The following TMEFF2 variants were observed in gnomAD, a reference collection of about 807,000 sequenced individuals.
TMEFF2 encodes transmembrane protein with EGF like and two follistatin like domains 2, also known as tomoregulin-2.
TMEFF2 carries 28 observed loss-of-function variants against 53.8 expected under a neutral mutation model. The ratio of observed to expected loss-of-function variants is 0.52; its 90% CI spans 0.39 to 0.71. The LOEUF is 0.71. TMEFF2 is among the 30% of genes least tolerant of loss of function. TMEFF2 has a pLI of 0.00. For synonymous variants in TMEFF2, 162 were observed against 166.3 expected, an observed-to-expected ratio of 0.97 and a Z score of 0.20; for missense variants, 353 against 455.2, an observed-to-expected ratio of 0.78 and a Z score of 2.04.
At chr2:192,002,530 G>T (rs1686391104) in intron 5 of TMEFF2, among the ~76,000 whole-genome samples, 2 of 151,678 alleles carry the variant, frequency 1.3e-5, no homozygotes, top group African/African-American at 4.8e-5. Flanking sequence ...TGCTAAAATG[G>T]CTTGAAAACA....
At chr2:192,009,884 T>C (rs937812713) in intron 5 of TMEFF2, among the ~76,000 whole-genome samples, 1 of 152,212 alleles carries the variant, frequency 6.6e-6, no homozygotes, top group African/African-American at 2.4e-5. Flanking sequence ...CAAAACACTG[T>C]ACTTTATCAT....
At chr2:192,065,056 G>A (rs1688135407) in intron 4 of TMEFF2, among the ~76,000 whole-genome samples, 1 of 151,730 alleles carries the variant, frequency 6.6e-6, no homozygotes, top group African/African-American at 2.4e-5. Flanking sequence ...TTCAGATTTT[G>A]GTTGCTTTAC....
chr2:192,005,263 A>C (rs564520122), intron 5 of TMEFF2, among the ~76,000 whole-genome samples: 4 of 152,178 alleles, frequency 2.6e-5, no homozygotes, highest in Admixed American at 1.3e-4. Flanking sequence ...ATTTGTAACT[A>C]TCTCATCAAT....
intron 4 of TMEFF2, among the ~76,000 whole-genome samples, chr2:192,075,834 T>C (rs1688419552): frequency 6.6e-6 from 1 of 152,020 alleles, no homozygotes; most frequent in Non-Finnish European, 1.5e-5. Flanking sequence ...AATTCAACTA[T>C]TGCGGGAGAT....
intron 5 of TMEFF2, among the ~76,000 whole-genome samples, chr2:191,999,996 A>C (rs1424795666): frequency 6.7e-6 from 1 of 150,198 alleles, no homozygotes; most frequent in Non-Finnish European, 1.5e-5. Context: ...TTTTTCTATA[A>C]TCTAAATAAA....
chr2:192,162,018 A>AGGTTT (rs1216326039), intron 4 of TMEFF2, among the ~76,000 whole-genome samples: 1 of 152,194 alleles, frequency 6.6e-6, no homozygotes, highest in Non-Finnish European at 1.5e-5. Context: ...AACAACCTTG[A>AGGTTT]AGAAGAAAAA....
chr2:191,958,433 TTCTG>T (rs1692170677), intron 7 of TMEFF2, among the ~76,000 whole-genome samples: 1 of 152,236 alleles, frequency 6.6e-6, no homozygotes, highest in Non-Finnish European at 1.5e-5. Flanking sequence ...CTATTTTTCT[TTCTG>T]TCAGTTACAA....
chr2:192,002,551 C>G (rs116672621), intron 5 of TMEFF2, among the ~76,000 whole-genome samples: 1 of 151,788 alleles, frequency 6.6e-6, no homozygotes, highest in South Asian at 2.1e-4. Context: ...ATAAGCTGGC[C>G]GGGCGTGGTG....
At chr2:191,989,892 C>T (rs1432119874) in intron 7 of TMEFF2, among the ~76,000 whole-genome samples, 2 of 152,132 alleles carry the variant, frequency 1.3e-5, no homozygotes, top group Admixed American at 6.6e-5. Context: ...GAAATTCTCA[C>T]CTTTCTTCTT....
In TMEFF2 at chr2:192,194,679, C is replaced by A. The variant is rs147478103; in HGVS notation, c.-155G>T. 18 of 733,256 alleles carry A rather than the reference C, an allele frequency of 2.5e-5. No homozygotes were observed. Among genetic ancestry groups the A allele is most frequent in the Non-Finnish European group, 4.1e-5 (18 of 443,266 alleles). 45.4% of individuals were successfully genotyped at this position (733,256 alleles called of 1,614,324 possible). A position where few individuals can be genotyped will look rare whatever the true frequency, so the allele number is the denominator to read the frequency against. ...GGCGGGGAAGCAGCAGCCAAACCCG[C>A]GCATGATCTCGAGAGTTTCAGCAAC... On this transcript the variant is annotated 5_prime_UTR_variant, in exon 1 of 10. Transcript: ENST00000272771. The surrounding 1 kb of genome is among the most constrained non-coding windows in gnomAD (Gnocchi z 4.2).
intron 2 of TMEFF2, among the ~76,000 whole-genome samples, chr2:192,187,044 T>C (rs866755136): frequency 6.6e-6 from 1 of 152,190 alleles, no homozygotes; most frequent in African/African-American, 2.4e-5. Flanking sequence ...AGCTTAACTG[T>C]AGATTACTGG....
chr2:192,134,799 T>G (rs1364512479), intron 4 of TMEFF2, among the ~76,000 whole-genome samples: 1 of 152,196 alleles, frequency 6.6e-6, no homozygotes, highest in Non-Finnish European at 1.5e-5. Flanking sequence ...AATTCCTCAG[T>G]TTAGCCTTCC....
intron 3 of TMEFF2, among the ~76,000 whole-genome samples, chr2:192,180,717 T>C (rs944943379): frequency 3.3e-5 from 5 of 151,704 alleles, no homozygotes; most frequent in African/African-American, 1.2e-4. Context: ...TCCATGATAC[T>C]TTATTGAGAA....
At chr2:192,060,557 T>C (rs1688019244) in intron 4 of TMEFF2, among the ~76,000 whole-genome samples, 1 of 152,184 alleles carries the variant, frequency 6.6e-6, no homozygotes, top group Admixed American at 6.5e-5. Flanking sequence ...GCTTTAGTTA[T>C]ACATATGTAC....
chr2:192,172,348 C>T (rs7602402), intron 4 of TMEFF2, among the ~76,000 whole-genome samples: 4,355 of 151,884 alleles, frequency 0.029, 189 homozygotes, highest in African/African-American at 0.099. Context: ...TCCTGCATAC[C>T]ATGCCAGGGT....
chr2:192,103,105 T>C (rs1222049853), intron 4 of TMEFF2, among the ~76,000 whole-genome samples: 4 of 152,156 alleles, frequency 2.6e-5, no homozygotes, highest in African/African-American at 7.2e-5. Flanking sequence ...TTAAATTCTA[T>C]TCTATCAATG....
chr2:192,133,286 G>A (rs956925337), intron 4 of TMEFF2, among the ~76,000 whole-genome samples: 1 of 151,862 alleles, frequency 6.6e-6, no homozygotes, highest in Non-Finnish European at 1.5e-5. Context: ...TCCTCCTCTT[G>A]TATCCCCCCA....
At chr2:191,957,406 TAGTC>T (rs566931356) in intron 7 of TMEFF2, among the ~76,000 whole-genome samples, 178 of 152,290 alleles carry the variant, frequency 1.2e-3, no homozygotes, top group Non-Finnish European at 2.0e-3. Context: ...CCCTAGTAAT[TAGTC>T]AGCAGTAATG....
intron 4 of TMEFF2, among the ~76,000 whole-genome samples, chr2:192,101,728 G>T (rs1481751983): frequency 6.6e-6 from 1 of 152,168 alleles, no homozygotes; most frequent in Non-Finnish European, 1.5e-5. Flanking sequence ...AGCATCTCAT[G>T]CTATAACAAA....
Sources: gnomAD v4.1 joint callset for allele counts (sites outside exome capture counted in the v4.1 genomes callset) on GRCh38, gnomAD v4.1.1 for gene constraint, Gnocchi (gnomAD v3.1) non-coding constraint, MANE v1.5 for transcripts, NCBI Gene and HGNC (gene_info 2026-07-23, HGNC 2026-07-21) for gene names.